The following CHD9 variants were observed in gnomAD, a reference collection of about 807,000 sequenced individuals.
The protein encoded by CHD9 is ATP-dependent chromatin remodeler CHD9.
A neutral mutation model predicts 316.1 loss-of-function variants in CHD9; 77 were observed. That is an observed-to-expected ratio of 0.24 (90% confidence interval 0.20 to 0.29). The LOEUF (loss-of-function observed/expected upper bound fraction) is 0.29. CHD9 is among the 10% of genes least tolerant of loss of function. The pLI, the probability that CHD9 is intolerant of heterozygous loss-of-function variation, is 1.00. For missense variants in CHD9, 2,763 were observed against 3,438.1 expected (o/e 0.80, Z 4.91); for synonymous variants, 1,129 against 1,158.3 (o/e 0.97, Z 0.51).
At chr16:53,206,044 C>T (rs1267179196) in intron 2 of CHD9, among the ~76,000 whole-genome samples, 1 of 152,082 alleles carries the variant, frequency 6.6e-6, no homozygotes, top group Non-Finnish European at 1.5e-5. Flanking sequence ...CCTCCGCCTC[C>T]CAGGTTCAAG....
chr16:53,297,295 T>C (rs1166380962), intron 30 of CHD9, 137 bp downstream of exon 30: 1 of 648,998 alleles, frequency 1.5e-6, no homozygotes, highest in African/African-American at 1.8e-5. Flanking sequence ...TTTAGAATTA[T>C]AAATAAACTA....
At chr16:53,243,825 CAT>C (rs1311552442) in intron 13 of CHD9, among the ~76,000 whole-genome samples, 1 of 152,132 alleles carries the variant, frequency 6.6e-6, no homozygotes, top group African/African-American at 2.4e-5. Flanking sequence ...ATTTTTTAAA[CAT>C]TTTGATTTTT....
intron 1 of CHD9, among the ~76,000 whole-genome samples, chr16:53,131,739 C>G (rs1000812024): frequency 2.0e-5 from 3 of 152,054 alleles, no homozygotes; most frequent in African/African-American, 7.2e-5. Context: ...TTCTCGCCTC[C>G]GTGAGTCATG....
intron 1 of CHD9, among the ~76,000 whole-genome samples, chr16:53,122,515 C>T (rs866241765): frequency 4.7e-5 from 7 of 149,398 alleles, no homozygotes; most frequent in South Asian, 2.1e-4. Flanking sequence ...AATACTGTAA[C>T]AAAGTTGGAA....
At chr16:53,292,295 G>C (rs1431758611) in intron 28 of CHD9, among the ~76,000 whole-genome samples, 1 of 152,288 alleles carries the variant, frequency 6.6e-6, no homozygotes, top group South Asian at 2.1e-4. Flanking sequence ...AATGACTACA[G>C]CTTGATTATG....
chr16:53,201,751 G>T (rs1304356568), intron 2 of CHD9, among the ~76,000 whole-genome samples: 2 of 151,882 alleles, frequency 1.3e-5, no homozygotes, highest in Non-Finnish European at 2.9e-5. Context: ...CCCCTCCATG[G>T]ATATTTTTGA....
chr16:53,157,579 G>T lies in CHD9; in HGVS notation c.1452+38G>T, dbSNP rs769883375. On this transcript the variant is annotated intron_variant, in intron 2 of 38. Coordinates refer to ENST00000447540, the MANE Select transcript of CHD9 (RefSeq NM_001308319.2). ...TTGCTTTTATTTTGGAGATTTGGGG[G>T]TAGGGCGGACTGTTAGTCATTGGGT... The T allele has an allele frequency of 3.2e-6, 5 of 1,562,922 alleles. No homozygotes were observed. In the Admixed American group the frequency reaches 5.6e-5, roughly 18 times the overall value.
intron 2 of CHD9, among the ~76,000 whole-genome samples, chr16:53,209,196 T>C (rs1343886711): frequency 6.6e-6 from 1 of 152,220 alleles, no homozygotes; most frequent in African/African-American, 2.4e-5. Flanking sequence ...TTGAATCAAC[T>C]ATCTTTACAG....
intron 24 of CHD9, among the ~76,000 whole-genome samples, chr16:53,282,144 AT>A: frequency 6.6e-6 from 1 of 151,620 alleles, no homozygotes; most frequent in East Asian, 1.9e-4. Flanking sequence ...TCTTTCAGTA[AT>A]TTTCCCCCTT....
rs1206352419 is a variant in CHD9, at chr16:53,304,632, T to A, written c.6619+7T>A. 1.3e-6 allele frequency: 2 copies of A among 1,504,164 alleles called. No individual in the cohort carries two copies. The highest frequency in any genetic ancestry group is 1.8e-6 in the Non-Finnish European group (2 of 1,129,304). 93.2% of individuals were successfully genotyped at this position (1,504,164 alleles called of 1,614,324 possible). ...GAAGAAGCCCAAAAACGAGGTACTATGCATAAAATAATTCTACTTTTTTAA... is the reference window on the plus strand; with the variant it reads ...GAAGAAGCCCAAAAACGAGGTACTAAGCATAAAATAATTCTACTTTTTTAA... On this transcript the variant is annotated splice_region_variant and intron_variant, in intron 31 of 38. Coordinates refer to ENST00000447540, the MANE Select transcript of CHD9 (RefSeq NM_001308319.2).
intron 1 of CHD9, among the ~76,000 whole-genome samples, chr16:53,098,949 G>A (rs1197159111): frequency 2.6e-5 from 4 of 152,150 alleles, no homozygotes; most frequent in South Asian, 2.1e-4. Flanking sequence ...TATAGTGTAC[G>A]GGGCAGGAGG....
intron 1 of CHD9, among the ~76,000 whole-genome samples, chr16:53,145,580 C>T (rs8053357): frequency 6.6e-6 from 1 of 151,596 alleles, no homozygotes; most frequent in African/African-American, 2.4e-5. Flanking sequence ...GTGGAGGGCA[C>T]CTGTAATCCC....
intron 1 of CHD9, among the ~76,000 whole-genome samples, chr16:53,120,276 G>A (rs2038641917): frequency 6.6e-6 from 1 of 152,008 alleles, no homozygotes; most frequent in Non-Finnish European, 1.5e-5. Flanking sequence ...ATTGCACTAG[G>A]ATGGGTTTCT....
chr16:53,122,866 C>T (rs2038804443), intron 1 of CHD9, among the ~76,000 whole-genome samples: 2 of 149,800 alleles, frequency 1.3e-5, no homozygotes, highest in Admixed American at 6.7e-5. Flanking sequence ...GCTACCACGC[C>T]CGGCTAATTT....
intron 1 of CHD9, among the ~76,000 whole-genome samples, chr16:53,150,904 C>G (rs1197965067): frequency 1.3e-5 from 2 of 152,112 alleles, no homozygotes; most frequent in Non-Finnish European, 2.9e-5. Flanking sequence ...TCAAGATTCT[C>G]TTTGTCTTTT....
At chr16:53,266,119 T>C (rs1238171202) in intron 20 of CHD9, among the ~76,000 whole-genome samples, 4 of 151,928 alleles carry the variant, frequency 2.6e-5, no homozygotes, top group African/African-American at 7.3e-5. Flanking sequence ...AATTGTAGCA[T>C]ACAAGATCCA....
At chr16:53,213,209 T>TA (rs2046468671) in intron 3 of CHD9, among the ~76,000 whole-genome samples, 1 of 152,208 alleles carries the variant, frequency 6.6e-6, no homozygotes, top group Non-Finnish European at 1.5e-5. Context: ...TTAGGATAGA[T>TA]ACAGTTTGAA....
At chr16:53,307,475 T>C (rs1349809822) in intron 32 of CHD9, among the ~76,000 whole-genome samples, 2 of 152,080 alleles carry the variant, frequency 1.3e-5, no homozygotes, top group Admixed American at 1.3e-4. Context: ...CTGCTTATGG[T>C]ATAATATTTT....
chr16:53,237,003 G>A (rs1196249503), intron 11 of CHD9, among the ~76,000 whole-genome samples: 2 of 151,764 alleles, frequency 1.3e-5, no homozygotes, highest in African/African-American at 4.9e-5. Context: ...TAAATCTAAG[G>A]TCTTGAACTC....
Sources: gnomAD v4.1 joint callset for allele counts (sites outside exome capture counted in the v4.1 genomes callset) on GRCh38, gnomAD v4.1.1 for gene constraint, MANE v1.5 for transcripts, NCBI Gene and HGNC (gene_info 2026-07-23, HGNC 2026-07-21) for gene names.